PAK5: variants seen among roughly 807,000 people sequenced by gnomAD.
PAK5 encodes p21 (RAC1) activated kinase 5.
In PAK5, 16 loss-of-function variants were observed where a neutral mutation model predicts 65.9. That is an observed-to-expected ratio of 0.24 (90% CI 0.16 to 0.37). The LOEUF is 0.37. Among genes scored for constraint, PAK5 ranks in the 10% least tolerant of loss-of-function variants. The pLI is 1.00. For missense variants in PAK5, 785 were observed against 903.9 expected (o/e 0.87, Z 1.69); for synonymous variants, 371 against 354.9 (o/e 1.05, Z -0.51).
chr20:9,573,748 C>A (rs1036591425), intron 4 of PAK5, among the ~76,000 whole-genome samples: 2 of 152,162 alleles, frequency 1.3e-5, no homozygotes, highest in Admixed American at 6.5e-5. Flanking sequence ...GCGTGCTCGA[C>A]TGGGGTGTGT....
chr20:9,642,714 T>C (rs912710638), intron 3 of PAK5, among the ~76,000 whole-genome samples: 1 of 152,188 alleles, frequency 6.6e-6, no homozygotes, highest in East Asian at 1.9e-4. Flanking sequence ...ACTAGTAGAG[T>C]TGGTTAGTCA....
At chr20:9,631,329 A>C (rs1160574067) in intron 3 of PAK5, among the ~76,000 whole-genome samples, 1 of 152,136 alleles carries the variant, frequency 6.6e-6, no homozygotes, top group African/African-American at 2.4e-5. Context: ...AAGGTGATGG[A>C]ATGTCACTCT....
chr20:9,692,037 G>A (rs557269508), intron 2 of PAK5, among the ~76,000 whole-genome samples: 2 of 152,232 alleles, frequency 1.3e-5, no homozygotes, highest in Admixed American at 1.3e-4. Flanking sequence ...CACTCAACCT[G>A]CCCAGGTACA....
intron 9 of PAK5, among the ~76,000 whole-genome samples, chr20:9,541,279 T>C (rs2045258684): frequency 6.6e-6 from 1 of 152,094 alleles, no homozygotes; most frequent in African/African-American, 2.4e-5. Context: ...GTGTTTATAG[T>C]AGTAGTCCTG....
intron 2 of PAK5, among the ~76,000 whole-genome samples, chr20:9,674,846 C>T (rs771085979): frequency 3.3e-4 from 50 of 152,288 alleles, no homozygotes; most frequent in Non-Finnish European, 1.2e-4. Context: ...CCATGTCAGT[C>T]ATGTTTGTAA....
chr20:9,662,003 C>T (rs1569026644), intron 2 of PAK5, among the ~76,000 whole-genome samples: 1 of 152,228 alleles, frequency 6.6e-6, no homozygotes, highest in East Asian at 1.9e-4. Flanking sequence ...ACAGAAGGCC[C>T]TTCAGATAAC....
chr20:9,539,758 G>T, intron 9 of PAK5, 141 bp from the exon 10 acceptor site: 1 of 669,472 alleles, frequency 1.5e-6, no homozygotes, highest in Non-Finnish European at 2.6e-6. Flanking sequence ...GAAAGCAAAA[G>T]CATGTCTTGT....
intron 2 of PAK5, among the ~76,000 whole-genome samples, chr20:9,660,700 G>C (rs746003506): frequency 6.6e-6 from 1 of 152,088 alleles, no homozygotes. Flanking sequence ...AAAGGATACC[G>C]TTCATTAGAG....
At chr20:9,715,797 G>C (rs1405567235) in intron 1 of PAK5, among the ~76,000 whole-genome samples, 2 of 149,514 alleles carry the variant, frequency 1.3e-5, no homozygotes, top group South Asian at 2.1e-4. Flanking sequence ...ATCACAAGGA[G>C]AAAAAACCAA....
intron 2 of PAK5, among the ~76,000 whole-genome samples, chr20:9,685,277 T>C (rs2047702973): frequency 1.3e-5 from 2 of 152,192 alleles, no homozygotes; most frequent in African/African-American, 2.4e-5. Context: ...CTAAAGTTCA[T>C]ATTTTGAAGT....
At chr20:9,584,623 T>C (rs917142027) in intron 3 of PAK5, among the ~76,000 whole-genome samples, 20 of 152,230 alleles carry the variant, frequency 1.3e-4, no homozygotes, top group Non-Finnish European at 2.9e-5. Context: ...GTTTACCACT[T>C]CTCTATTTCC....
At chr20:9,777,470 C>T (rs1007347832) in intron 1 of PAK5, among the ~76,000 whole-genome samples, 3 of 152,192 alleles carry the variant, frequency 2.0e-5, no homozygotes, top group African/African-American at 4.8e-5. Context: ...TAAGATGTGA[C>T]TTTGCTCCTC....
intron 9 of PAK5, among the ~76,000 whole-genome samples, chr20:9,540,737 C>CT (rs1168963029): frequency 0.023 from 3,183 of 138,190 alleles, 69 homozygotes; most frequent in African/African-American, 0.057. Flanking sequence ...TTTTTAGTCA[C>CT]TTTTTTTTTT....
chr20:9,645,832 C>A (rs1488457425), intron 2 of PAK5, among the ~76,000 whole-genome samples: 3 of 152,252 alleles, frequency 2.0e-5, no homozygotes, highest in African/African-American at 7.2e-5. Flanking sequence ...GTGATCCGCC[C>A]GCCTCGGCCT....
chr20:9,586,396 A>C (rs2046070552), intron 3 of PAK5, among the ~76,000 whole-genome samples: 1 of 152,166 alleles, frequency 6.6e-6, no homozygotes, highest in Admixed American at 6.5e-5. Context: ...GATTGGGTAG[A>C]CTTTAAACTA....
chr20:9,797,148 G>A (rs1387907710), intron 1 of PAK5, among the ~76,000 whole-genome samples: 1 of 151,532 alleles, frequency 6.6e-6, no homozygotes, highest in Non-Finnish European at 1.5e-5. Flanking sequence ...CAGTGATGAT[G>A]AGCATTTTTT....
rs5840330 is a variant in PAK5, at chr20:9,760,577, G to GA, written c.-161-49143dup. ...AGAATTTCAAGTTTTTGATGGTTGA[G>GA]AAAAAAAAAAAAAAATGTATATTTG... On this transcript the variant is annotated intron_variant, in intron 1 of 9. Transcript: ENST00000353224. 1.6e-3 allele frequency among the ~76,000 whole-genome samples: 194 copies of GA among 119,910 alleles called. 1 individual carries two copies. Among genetic ancestry groups the GA allele is most frequent in the East Asian group, 4.5e-3 (19 of 4,226 alleles). The allele number at this position is 119,910 out of a possible 152,430, so 78.7% of individuals were successfully genotyped here. A position where few individuals can be genotyped will look rare whatever the true frequency, so the allele number is the denominator to read the frequency against.
intron 1 of PAK5, among the ~76,000 whole-genome samples, chr20:9,832,867 T>TAAC (rs1978838462): frequency 6.6e-6 from 1 of 152,234 alleles, no homozygotes; most frequent in South Asian, 2.1e-4. Context: ...TGCTATTGTT[T>TAAC]ACTCACTGAT....
chr20:9,630,498 G>C (rs1239064612), intron 3 of PAK5, among the ~76,000 whole-genome samples: 1 of 152,224 alleles, frequency 6.6e-6, no homozygotes, highest in Non-Finnish European at 1.5e-5. Context: ...TCACCTAATG[G>C]AGTGAACTGC....
Sources: allele counts gnomAD v4.1 joint callset (sites outside exome capture counted in the v4.1 genomes callset), GRCh38; gene constraint gnomAD v4.1.1; transcripts MANE v1.5; gene names NCBI Gene and HGNC (gene_info 2026-07-23, HGNC 2026-07-21).